CTNNA3: variants seen among roughly 807,000 people sequenced by gnomAD.
CTNNA3 encodes catenin alpha-3.
In CTNNA3, 76 loss-of-function variants were observed where a neutral mutation model predicts 95.7. The ratio of observed to expected loss-of-function variants is 0.79; its 90% CI spans 0.66 to 0.96. CTNNA3 has a LOEUF of 0.96. CTNNA3 is among the 40% of genes least tolerant of loss of function. CTNNA3 has a pLI of 0.00. For missense variants in CTNNA3, 1,191 were observed against 1,089.8 expected (o/e 1.09, Z -1.31); for synonymous variants, 431 against 374.4 (o/e 1.15, Z -1.74).
At chr10:67,232,405 C>T (rs1865258375) in intron 5 of CTNNA3, among the ~76,000 whole-genome samples, 1 of 151,896 alleles carries the variant, frequency 6.6e-6, no homozygotes, top group South Asian at 2.1e-4. Flanking sequence ...CATATCCAGC[C>T]AAACTAAGCT....
chr10:67,644,532 T>G (rs1449258693), intron 2 of CTNNA3, among the ~76,000 whole-genome samples: 1 of 152,096 alleles, frequency 6.6e-6, no homozygotes, highest in Non-Finnish European at 1.5e-5. Context: ...TGAGATATTT[T>G]ATTTGTGTTG....
intron 12 of CTNNA3, among the ~76,000 whole-genome samples, chr10:66,329,261 A>G (rs1268856306): frequency 6.6e-6 from 1 of 151,806 alleles, no homozygotes; most frequent in East Asian, 1.9e-4. Flanking sequence ...AAGAGGGATG[A>G]ATTCTTACTT....
intron 7 of CTNNA3, among the ~76,000 whole-genome samples, chr10:66,953,338 A>G (rs1056978621): frequency 1.3e-5 from 2 of 152,234 alleles, no homozygotes; most frequent in Admixed American, 6.5e-5. Context: ...AAAGACAAAA[A>G]TCTTCCCTAG....
chr10:67,022,906 C>T (rs1293102981), intron 7 of CTNNA3, among the ~76,000 whole-genome samples: 1 of 152,040 alleles, frequency 6.6e-6, no homozygotes, highest in Non-Finnish European at 1.5e-5. Context: ...CCATTGCACT[C>T]CAGCCTGGGC....
chr10:66,904,335 T>A (rs1049910612), intron 7 of CTNNA3, among the ~76,000 whole-genome samples: 3 of 152,144 alleles, frequency 2.0e-5, no homozygotes, highest in Admixed American at 2.0e-4. Flanking sequence ...TGAAACTGGA[T>A]CCCTTCCTTA....
At chr10:67,299,579 C>G (rs1840186623) in intron 5 of CTNNA3, among the ~76,000 whole-genome samples, 2 of 152,178 alleles carry the variant, frequency 1.3e-5, no homozygotes, top group African/African-American at 2.4e-5. Context: ...GAAGATTTCT[C>G]TTTCCCACTG....
intron 7 of CTNNA3, among the ~76,000 whole-genome samples, chr10:66,867,564 T>C (rs1032125819): frequency 6.6e-6 from 1 of 152,066 alleles, no homozygotes; most frequent in African/African-American, 2.4e-5. Flanking sequence ...AGGATGAGGG[T>C]ACAGAGAGGA....
chr10:66,291,600 T>C (rs2091681386), intron 12 of CTNNA3, among the ~76,000 whole-genome samples: 1 of 152,092 alleles, frequency 6.6e-6, no homozygotes, highest in South Asian at 2.1e-4. Flanking sequence ...TTAGAGTAGG[T>C]TAGTATTCTC....
intron 1 of CTNNA3, among the ~76,000 whole-genome samples, chr10:67,705,111 T>C (rs1453663938): frequency 3.3e-5 from 5 of 152,030 alleles, no homozygotes; most frequent in African/African-American, 1.2e-4. Flanking sequence ...TGGTGATCAT[T>C]AAAAAGTCAG....
chr10:66,449,245 A>T (rs889701100), intron 11 of CTNNA3, among the ~76,000 whole-genome samples: 8 of 152,118 alleles, frequency 5.3e-5, no homozygotes, highest in African/African-American at 1.9e-4. Flanking sequence ...TGCTGAATCC[A>T]CAGATTACGG....
At chr10:66,375,509 A>G (rs2092789812) in intron 12 of CTNNA3, among the ~76,000 whole-genome samples, 1 of 152,072 alleles carries the variant, frequency 6.6e-6, no homozygotes, top group Admixed American at 6.6e-5. Flanking sequence ...ACACTGCCGG[A>G]CTGCAGAGGG....
At chr10:67,251,709 G>T (rs746084489) in intron 5 of CTNNA3, among the ~76,000 whole-genome samples, 1 of 152,112 alleles carries the variant, frequency 6.6e-6, no homozygotes, top group Non-Finnish European at 1.5e-5. Flanking sequence ...GGTCACGTTT[G>T]TCAACAGAAA....
At chr10:65,945,571 G>A (rs2077503503) in intron 17 of CTNNA3, among the ~76,000 whole-genome samples, 1 of 152,166 alleles carries the variant, frequency 6.6e-6, no homozygotes, top group Non-Finnish European at 1.5e-5. Context: ...AGCATTTATA[G>A]AAATAGACAG....
chr10:67,623,486 T>C (rs558620866), intron 2 of CTNNA3, among the ~76,000 whole-genome samples: 199 of 152,210 alleles, frequency 1.3e-3, no homozygotes, highest in African/African-American at 4.5e-3. Context: ...AGGTTCTTCA[T>C]AGGAGCCAGG....
chr10:67,044,839 C>A (rs1589653962), intron 7 of CTNNA3, among the ~76,000 whole-genome samples: 1 of 152,290 alleles, frequency 6.6e-6, no homozygotes, highest in South Asian at 2.1e-4. Context: ...ATCTAAGTAA[C>A]CTCAGCTCTG....
intron 3 of CTNNA3, among the ~76,000 whole-genome samples, chr10:67,574,239 T>C (rs551077505): frequency 6.6e-6 from 1 of 152,320 alleles, no homozygotes; most frequent in South Asian, 2.1e-4. Context: ...GCTTACTTCA[T>C]AACTTTAAGT....
intron 11 of CTNNA3, among the ~76,000 whole-genome samples, chr10:66,394,451 T>C (rs530423603): frequency 6.6e-6 from 1 of 151,200 alleles, no homozygotes; most frequent in Admixed American, 6.6e-5. Context: ...CTCTTTTCCA[T>C]CAACTCCTCT....
intron 5 of CTNNA3, among the ~76,000 whole-genome samples, chr10:67,387,708 G>T (rs957893070): frequency 6.6e-6 from 1 of 152,216 alleles, no homozygotes; most frequent in Non-Finnish European, 1.5e-5. Context: ...CGCAGCTGGA[G>T]ATCTGAGAAC....
intron 5 of CTNNA3, among the ~76,000 whole-genome samples, chr10:67,315,238 A>G (rs541188650): frequency 7.9e-5 from 12 of 152,314 alleles, no homozygotes; most frequent in African/African-American, 2.9e-4. Context: ...ACAGGCATTC[A>G]AAATTCATAC....
Sources: gnomAD v4.1 joint callset for allele counts (sites outside exome capture counted in the v4.1 genomes callset) on GRCh38, gnomAD v4.1.1 for gene constraint, MANE v1.5 for transcripts, NCBI Gene and HGNC (gene_info 2026-07-23, HGNC 2026-07-21) for gene names.